SLC22A2: variants seen among roughly 807,000 people sequenced by gnomAD.
SLC22A2 encodes organic cation transporter 2.
In SLC22A2, 46 loss-of-function variants were observed where a neutral mutation model predicts 60.5. The ratio of observed to expected loss-of-function variants is 0.76; its 90% CI spans 0.60 to 0.97. The LOEUF (loss-of-function observed/expected upper bound fraction) is 0.97. SLC22A2 is among the 50% of genes least tolerant of loss of function. The pLI is 0.00. For synonymous variants in SLC22A2, 303 were observed against 267.0 expected (o/e 1.13, Z -1.31); for missense variants, 701 against 706.6 (o/e 0.99, Z 0.09).
At chr6:160,231,030 C>G (rs981444725) in intron 9 of SLC22A2, among the ~76,000 whole-genome samples, 8 of 151,918 alleles carry the variant, frequency 5.3e-5, no homozygotes, top group Admixed American at 3.3e-4. Context: ...TTGGGTAACT[C>G]TTATGGTGGA....
At position 160,258,475 on chromosome 6, in the gene SLC22A2, C is replaced by G. The variant is rs902306008; in HGVS notation, c.283G>C (p.Asp95His). Residue 95 changes from aspartate (D) to histidine (H), a missense_variant, in exon 1 of 11, where the codon GAC (aspartate) becomes CAC (histidine). Transcript: ENST00000366953. ...CAGTCGAAGGTGCTCTGGTTCCAGT[C>G]CACCTCGTAGCGCCTACACTGTCTT... Reference protein sequence around the residue: ...SPRQCRRYEVDWNQSTFDCVD... With the variant: ...SPRQCRRYEVHWNQSTFDCVD... The G allele has an allele frequency of 5.6e-6, 9 of 1,614,160 alleles. No individual in the cohort carries two copies. Among genetic ancestry groups the G allele is most frequent in the Non-Finnish European group, 7.6e-6 (9 of 1,180,030 alleles).
intron 9 of SLC22A2, among the ~76,000 whole-genome samples, chr6:160,231,988 G>C (rs1223824808): frequency 6.6e-6 from 1 of 151,902 alleles, no homozygotes; most frequent in African/African-American, 2.4e-5. Flanking sequence ...GTCTGTGTGT[G>C]GTGGCTACCA....
chr6:160,227,882 C>T (rs2114852840), intron 9 of SLC22A2, among the ~76,000 whole-genome samples: 1 of 152,282 alleles, frequency 6.6e-6, no homozygotes, highest in East Asian at 1.9e-4. Flanking sequence ...ATGAGAGGGA[C>T]CTCTGGTCGT....
In SLC22A2 at chr6:160,257,544, G is replaced by A. The variant is rs3912162; in HGVS notation, c.414+800C>T. Among the ~76,000 whole-genome samples, 557 of 152,238 alleles carry A rather than the reference G, an allele frequency of 3.7e-3. 23 individuals are homozygous for A. The East Asian group carries it at 0.09, about 25-fold the overall frequency. On this transcript the variant is annotated intron_variant, in intron 1 of 10. Transcript: ENST00000366953. ...GGAGAGTTTGTGGTGTGAAGCCCAT[G>A]AGCTGCCACATTTCCTGTAAATATC...
chr6:160,221,689 TAGGAAGGCCCAAGGAG>T (rs1329793164), intron 10 of SLC22A2, among the ~76,000 whole-genome samples: 4 of 152,154 alleles, frequency 2.6e-5, no homozygotes, highest in Non-Finnish European at 5.9e-5. Context: ...TCTTGGGCCA[TAGGAAGGCCCAAGGAG>T]AGGGAGAGAG....
chr6:160,236,555 G>A (rs1782914826), intron 9 of SLC22A2, among the ~76,000 whole-genome samples: 1 of 152,198 alleles, frequency 6.6e-6, no homozygotes, highest in Non-Finnish European at 1.5e-5. Context: ...AGTGCAATAA[G>A]AATCTGTTTT....
At chr6:160,231,122 C>T (rs773769207) in intron 9 of SLC22A2, among the ~76,000 whole-genome samples, 4 of 151,884 alleles carry the variant, frequency 2.6e-5, no homozygotes, top group Non-Finnish European at 5.9e-5. Flanking sequence ...TTTCCCTTGC[C>T]TCCATAACTG....
In SLC22A2 at chr6:160,247,233, A is replaced by C. The variant is rs771593456; in HGVS notation, c.908T>G (p.Ile303Ser). 6.2e-7 allele frequency: 1 copy of C among 1,613,800 alleles called. No homozygotes were observed. The highest frequency in any genetic ancestry group is 8.5e-7 in the Non-Finnish European group (1 of 1,179,702). The change falls in exon 5 of 11, where the codon ATT (isoleucine) becomes AGT (serine). Residue 303 changes from isoleucine to serine, a missense_variant. Ile to Ser is a moderately radical substitution (Grantham distance 142). Transcript: ENST00000366953. ...QNKNAEAMRI[I>S]KHIAKKNGKS... ...TCCATTTTTCTTTGCGATGTGCTTA[A>C]TGATTCTCATGGCTTCAGCATTCTT... is the stretch of plus-strand genomic sequence containing the variant.
chr6:160,251,415 C>A (rs1333155177), intron 2 of SLC22A2, among the ~76,000 whole-genome samples: 3 of 152,184 alleles, frequency 2.0e-5, no homozygotes. Flanking sequence ...CAACCATATT[C>A]AGTGTCTTCA....
chr6:160,252,008 G>T (rs1489599041), intron 2 of SLC22A2, among the ~76,000 whole-genome samples: 2 of 152,056 alleles, frequency 1.3e-5, no homozygotes, highest in African/African-American at 4.8e-5. Flanking sequence ...ACATGTGCAG[G>T]ATGTGCAGGT....
chr6:160,223,123 T>A (rs1160885373), intron 10 of SLC22A2, among the ~76,000 whole-genome samples: 1 of 152,220 alleles, frequency 6.6e-6, no homozygotes, highest in African/African-American at 2.4e-5. Context: ...TTGTTTGTGG[T>A]ATCAGCAGGC....
chr6:160,227,177 AT>A (rs1378475776), intron 9 of SLC22A2, among the ~76,000 whole-genome samples: 3 of 152,150 alleles, frequency 2.0e-5, no homozygotes. Context: ...TCCTGAAGAG[AT>A]TAACTGAGAG....
chr6:160,249,390 G>A lies in SLC22A2; in HGVS notation c.674-6C>T. ...CCGCCCAACAAATTCTGTAACTGCA[G>A]AGAGAATTTGAATGGTTAATGCAAT... On this transcript the variant is annotated splice_polypyrimidine_tract_variant and splice_region_variant and intron_variant, in intron 3 of 10. Coordinates refer to ENST00000366953, the MANE Select transcript of SLC22A2 (RefSeq NM_003058.4). The A allele has an allele frequency of 2.5e-6, 4 of 1,611,678 alleles. No homozygotes were observed. In the East Asian group the frequency reaches 6.7e-5, roughly 27 times the overall value.
rs767622094 is a variant in SLC22A2 at position 160,258,559 on chromosome 6, G to T, written c.199C>A (p.Pro67Thr). The change falls in exon 1 of 11, where the codon CCT becomes ACT. Residue 67 changes from proline to threonine, a missense_variant. Coordinates refer to ENST00000366953, the MANE Select transcript of SLC22A2 (RefSeq NM_003058.4). Reference sequence around the variant, plus strand: ...ACCGTGTAGTTCAGTTCCTCTGCAGGACTCCAGCCGCAGCGCAGACTCAGC... The same window carrying T: ...ACCGTGTAGTTCAGTTCCTCTGCAGTACTCCAGCCGCAGCGCAGACTCAGC... Reference protein sequence around the residue: ...AELSLRCGWSPAEELNYTVPG... With the variant: ...AELSLRCGWSTAEELNYTVPG... 2.2e-5 allele frequency: 36 copies of T among 1,613,742 alleles called. 1 individual carries two copies. Among genetic ancestry groups the T allele is most frequent in the Middle Eastern group, 3.3e-4 (2 of 6,082 alleles).
chr6:160,250,396 T>C, intron 3 of SLC22A2, 152 bp downstream of exon 3: 2 of 716,962 alleles, frequency 2.8e-6, no homozygotes, highest in Non-Finnish European at 4.8e-6. Context: ...TGAGTTGATA[T>C]GCTTTTAGGA....
Position 160,241,456 on chromosome 6 carries a change from T to A in SLC22A2, c.1501+18A>T. The stretch of plus-strand genomic sequence containing the variant: ...AAAAATAAGTTTTCACTTAAAGACA[T>A]CTGTGAAGATTTCTTACCGAAAACC... On this transcript the variant is annotated intron_variant, in intron 9 of 10. Coordinates refer to ENST00000366953, the MANE Select transcript of SLC22A2 (RefSeq NM_003058.4). The A allele has an allele frequency of 6.6e-7, 1 of 1,523,944 alleles. No individual in the cohort carries two copies. The highest frequency in any genetic ancestry group is 2.2e-5 in the East Asian group (1 of 44,480). The allele number at this position is 1,523,944 out of a possible 1,614,324, so 94.4% of individuals were successfully genotyped here. A position where few individuals can be genotyped will look rare whatever the true frequency, so the allele number is the denominator to read the frequency against.
intron 9 of SLC22A2, among the ~76,000 whole-genome samples, chr6:160,225,660 T>G (rs1050813725): frequency 2.0e-5 from 3 of 152,232 alleles, no homozygotes; most frequent in African/African-American, 7.2e-5. Flanking sequence ...GATAACATAC[T>G]GTCAAGTCAA....
intron 4 of SLC22A2, 78 bp downstream of exon 4, chr6:160,249,138 G>C: frequency 1.1e-6 from 1 of 939,964 alleles, no homozygotes; most frequent in Non-Finnish European, 1.6e-6. Flanking sequence ...CAGAAAGATA[G>C]TGTGCATTAA....
intron 2 of SLC22A2, among the ~76,000 whole-genome samples, chr6:160,251,228 G>T (rs1783181110): frequency 3.3e-5 from 5 of 152,118 alleles, no homozygotes; most frequent in Admixed American, 3.3e-4. Flanking sequence ...TATCCTATGG[G>T]GGCCTCTGTT....
Sources: allele counts gnomAD v4.1 joint callset (sites outside exome capture counted in the v4.1 genomes callset), GRCh38; gene constraint gnomAD v4.1.1; transcripts MANE v1.5; gene names NCBI Gene and HGNC (gene_info 2026-07-23, HGNC 2026-07-21).